Variants in CACNA2D3 observed in about 807,000 individuals in gnomAD.
CACNA2D3 encodes the protein voltage-dependent calcium channel subunit alpha-2/delta-3.
In CACNA2D3, 60 loss-of-function variants were observed where a neutral mutation model predicts 160.6. That is an observed-to-expected ratio of 0.37 (90% CI 0.30 to 0.46). The LOEUF (loss-of-function observed/expected upper bound fraction) is 0.46, where lower values mean the gene tolerates loss of function less well. Ranked by LOEUF, CACNA2D3 falls within the 20% of genes least tolerant of loss-of-function variation. CACNA2D3 has a pLI of 1.00. For missense variants in CACNA2D3, 1,205 were observed against 1,365.0 expected (o/e 0.88, Z 1.85); for synonymous variants, 558 against 492.9 (o/e 1.13, Z -1.75).
intron 29 of CACNA2D3, among the ~76,000 whole-genome samples, chr3:54,976,056 T>TACACACACACACAC (rs3841944): frequency 1.4e-4 from 20 of 145,062 alleles, no homozygotes; most frequent in African/African-American, 4.9e-4. Context: ...TAGATATAGA[T>TACACACACACACAC]ACACACACAC....
chr3:54,246,059 A>C (rs1286426089), intron 2 of CACNA2D3, among the ~76,000 whole-genome samples: 1 of 152,198 alleles, frequency 6.6e-6, no homozygotes, highest in African/African-American at 2.4e-5. Flanking sequence ...TTAATTTTAC[A>C]AACATCTATA....
chr3:54,921,470 T>A (rs968726191), intron 27 of CACNA2D3, among the ~76,000 whole-genome samples: 4 of 152,194 alleles, frequency 2.6e-5, no homozygotes, highest in Admixed American at 2.6e-4. Flanking sequence ...ATACAATCTG[T>A]GTGCATATTT....
chr3:54,262,606 TA>T (rs55633175), intron 2 of CACNA2D3, among the ~76,000 whole-genome samples: 5 of 150,854 alleles, frequency 3.3e-5, no homozygotes, highest in East Asian at 3.9e-4. Flanking sequence ...AATTTTGAAT[TA>T]AAAAAAAAAT....
At chr3:54,781,735 A>G (rs1298287828) in intron 13 of CACNA2D3, among the ~76,000 whole-genome samples, 2 of 152,222 alleles carry the variant, frequency 1.3e-5, no homozygotes, top group African/African-American at 4.8e-5. Context: ...TCTGCCATCT[A>G]TGCAGATATT....
Position 54,885,576 on chromosome 3 carries a change from T to G in CACNA2D3, c.2046T>G (p.Pro682=). ...AGCTCTACCTAAAAGGCAAAGAACC[T>G]CTGCTCCAGTGTGAGTATGCTTTCA... ...AIKLYLKGKE[P]LLQCDKELIQ... Residue 682 remains proline (P), a synonymous_variant, in exon 23 of 38, where the codon CCT becomes CCG. Transcript: ENST00000474759. 1 of 1,611,760 alleles carries G rather than the reference T, an allele frequency of 6.2e-7. No homozygotes were observed. Among genetic ancestry groups the G allele is most frequent in the Non-Finnish European group, 8.5e-7 (1 of 1,178,486 alleles).
chr3:54,307,143 C>T (rs1703621168), intron 2 of CACNA2D3, among the ~76,000 whole-genome samples: 1 of 152,094 alleles, frequency 6.6e-6, no homozygotes, highest in Non-Finnish European at 1.5e-5. Context: ...TGGATTATTT[C>T]TGGGTTCTTT....
chr3:54,484,952 T>G (rs1261553671), intron 4 of CACNA2D3, among the ~76,000 whole-genome samples: 1 of 151,816 alleles, frequency 6.6e-6, no homozygotes, highest in Non-Finnish European at 1.5e-5. Context: ...GTTCAAGCAA[T>G]TCTCCTGCCT....
chr3:54,715,463 CTTG>C (rs572764998), intron 11 of CACNA2D3, among the ~76,000 whole-genome samples: 42 of 152,196 alleles, frequency 2.8e-4, no homozygotes, highest in African/African-American at 9.2e-4. Context: ...ATTATGTCCA[CTTG>C]TTTATTAACT....
intron 4 of CACNA2D3, among the ~76,000 whole-genome samples, chr3:54,479,092 C>T (rs553483627): frequency 9.2e-5 from 14 of 151,940 alleles, no homozygotes; most frequent in African/African-American, 2.7e-4. Context: ...AATCATGGAG[C>T]GGTTACCTCC....
At chr3:54,341,564 A>C (rs916138041) in intron 3 of CACNA2D3, among the ~76,000 whole-genome samples, 5 of 152,216 alleles carry the variant, frequency 3.3e-5, no homozygotes, top group African/African-American at 1.2e-4. Context: ...TCACACAGAT[A>C]ATTTAAAGCC....
chr3:54,944,490 G>T (rs1259959626), intron 27 of CACNA2D3, among the ~76,000 whole-genome samples: 1 of 151,630 alleles, frequency 6.6e-6, no homozygotes, highest in Non-Finnish European at 1.5e-5. Flanking sequence ...GCATGATCTG[G>T]GCTCACTGCA....
chr3:54,820,936 T>G lies in CACNA2D3; in HGVS notation c.1398+4066T>G, dbSNP rs573347190. Among the ~76,000 whole-genome samples, 18 of 152,320 alleles carry G rather than the reference T, an allele frequency of 1.2e-4. 1 individual carries two copies. In the South Asian group the frequency reaches 3.7e-3, roughly 32 times the overall value. ...CTGTCTATAGGAGCTAAACATCAGT[T>G]ATTCACTGCAGGATTAATTTAATCA... On this transcript the variant is annotated intron_variant, in intron 14 of 37. Transcript: ENST00000474759.
At chr3:54,655,736 C>CATTACTTATGATGAAA (rs1372455324) in intron 11 of CACNA2D3, among the ~76,000 whole-genome samples, 30 of 152,040 alleles carry the variant, frequency 2.0e-4, no homozygotes. Flanking sequence ...TAAGTAGTAG[C>CATTACTTATGATGAAA]TAATGTTCAT....
intron 2 of CACNA2D3, among the ~76,000 whole-genome samples, chr3:54,291,054 T>C (rs1397618466): frequency 1.3e-5 from 2 of 152,140 alleles, no homozygotes; most frequent in Non-Finnish European, 2.9e-5. Context: ...ACTTAAAGTA[T>C]AATAAAATAA....
At chr3:54,370,043 A>G (rs541223106) in intron 3 of CACNA2D3, among the ~76,000 whole-genome samples, 53 of 152,362 alleles carry the variant, frequency 3.5e-4, no homozygotes, top group Non-Finnish European at 6.6e-4. Context: ...ATCTTCACGT[A>G]GCATATGAGC....
chr3:54,618,347 A>ACATG (rs1352783010), intron 9 of CACNA2D3, among the ~76,000 whole-genome samples: 1 of 24,802 alleles, frequency 4.0e-5, no homozygotes, highest in Non-Finnish European at 1.0e-4. Context: ...TGATGTTGAT[A>ACATG]CATACATATA....
chr3:54,377,955 C>T (rs1699037971), intron 3 of CACNA2D3, among the ~76,000 whole-genome samples: 1 of 152,180 alleles, frequency 6.6e-6, no homozygotes, highest in South Asian at 2.1e-4. Flanking sequence ...TGTGACTTAT[C>T]TGGGGCAGAT....
intron 27 of CACNA2D3, among the ~76,000 whole-genome samples, chr3:54,920,340 C>G (rs1373779667): frequency 6.6e-6 from 1 of 152,182 alleles, no homozygotes; most frequent in Non-Finnish European, 1.5e-5. Context: ...CCCAACACAC[C>G]AGGGTGAGTG....
intron 11 of CACNA2D3, among the ~76,000 whole-genome samples, chr3:54,744,076 T>A (rs1378976607): frequency 6.6e-6 from 1 of 152,216 alleles, no homozygotes; most frequent in Non-Finnish European, 1.5e-5. Flanking sequence ...GTGATGCCTA[T>A]TCTGTCTCAG....
Sources: gnomAD v4.1 joint callset for allele counts (sites outside exome capture counted in the v4.1 genomes callset) on GRCh38, gnomAD v4.1.1 for gene constraint, MANE v1.5 for transcripts, NCBI Gene and HGNC (gene_info 2026-07-23, HGNC 2026-07-21) for gene names.